The following MARCHF1 variants were observed in gnomAD, a reference collection of about 807,000 sequenced individuals.
The protein encoded by MARCHF1 is E3 ubiquitin-protein ligase MARCHF1.
MARCHF1 carries 40 observed loss-of-function variants against 54.2 expected under a neutral mutation model. That is an observed-to-expected ratio of 0.74 (90% CI 0.57 to 0.96). The LOEUF is 0.96. Among genes scored for constraint, MARCHF1 ranks in the 40% least tolerant of loss-of-function variants. The pLI is 0.00. For missense variants in MARCHF1, 586 were observed against 656.5 expected, an observed-to-expected ratio of 0.89 and a Z score of 1.17; for synonymous variants, 236 against 236.3, an observed-to-expected ratio of 1.00 and a Z score of 0.01.
At chr4:164,351,006 G>A (rs545475495) in intron 1 of MARCHF1, among the ~76,000 whole-genome samples, 37 of 152,098 alleles carry the variant, frequency 2.4e-4, no homozygotes, top group Non-Finnish European at 2.9e-4. Context: ...GGTGACGGAC[G>A]CACCTGGAAA....
chr4:163,606,703 A>C (rs1741156116), intron 7 of MARCHF1, among the ~76,000 whole-genome samples: 1 of 151,844 alleles, frequency 6.6e-6, no homozygotes, highest in South Asian at 2.1e-4. Context: ...TCTTGCTCAG[A>C]ATTCTTGTTT....
chr4:163,866,846 T>C (rs1315176098), intron 3 of MARCHF1, among the ~76,000 whole-genome samples: 1 of 151,818 alleles, frequency 6.6e-6, no homozygotes, highest in Non-Finnish European at 1.5e-5. Context: ...AGAAAAGACA[T>C]AAGGAGAAGT....
chr4:164,359,247 A>G (rs1730654708), intron 1 of MARCHF1, among the ~76,000 whole-genome samples: 1 of 152,140 alleles, frequency 6.6e-6, no homozygotes, highest in Non-Finnish European at 1.5e-5. Flanking sequence ...GTTCTGAGAG[A>G]TAGTTCTCTA....
intron 1 of MARCHF1, among the ~76,000 whole-genome samples, chr4:164,205,808 GA>G (rs1176433912): frequency 6.6e-6 from 1 of 151,920 alleles, no homozygotes; most frequent in Non-Finnish European, 1.5e-5. Flanking sequence ...AAAAAATAGT[GA>G]AAAATAATTT....
At chr4:163,660,222 CATAAAAA>C (rs1486428961) in intron 5 of MARCHF1, among the ~76,000 whole-genome samples, 1 of 151,978 alleles carries the variant, frequency 6.6e-6, no homozygotes, top group African/African-American at 2.4e-5. Context: ...ACTATGCAGC[CATAAAAA>C]ATAATGAGTT....
intron 7 of MARCHF1, among the ~76,000 whole-genome samples, chr4:163,593,293 C>T (rs1008072890): frequency 1.3e-5 from 2 of 152,092 alleles, no homozygotes; most frequent in African/African-American, 4.8e-5. Flanking sequence ...CAAAATTAAA[C>T]TAGAGATATT....
chr4:163,801,447 T>A (rs1748079018), intron 4 of MARCHF1, among the ~76,000 whole-genome samples: 1 of 152,108 alleles, frequency 6.6e-6, no homozygotes, highest in Admixed American at 6.5e-5. Context: ...TGATTTTGGT[T>A]CTATTTAGAA....
chr4:164,259,651 T>A (rs545676168), intron 1 of MARCHF1, among the ~76,000 whole-genome samples: 1 of 151,952 alleles, frequency 6.6e-6, no homozygotes, highest in East Asian at 1.9e-4. Flanking sequence ...TTCAGCAGTT[T>A]ATACTATTAA....
At chr4:164,176,582 C>T (rs1227299831) in intron 1 of MARCHF1, among the ~76,000 whole-genome samples, 3 of 152,098 alleles carry the variant, frequency 2.0e-5, no homozygotes, top group African/African-American at 7.2e-5. Flanking sequence ...ATTATGAAAT[C>T]AGAGAACCAA....
chr4:163,768,873 TTCTC>T (rs773969871), intron 4 of MARCHF1, among the ~76,000 whole-genome samples: 10 of 152,148 alleles, frequency 6.6e-5, no homozygotes, highest in East Asian at 1.9e-4. Context: ...TTCCTATACT[TTCTC>T]TTTCTTTAAG....
At chr4:163,680,041 C>T (rs1265170956) in intron 5 of MARCHF1, among the ~76,000 whole-genome samples, 2 of 149,062 alleles carry the variant, frequency 1.3e-5, no homozygotes, top group African/African-American at 2.5e-5. Context: ...AAACTCAAGG[C>T]TTTTCACATT....
chr4:163,618,249 T>G (rs909880673), intron 5 of MARCHF1, among the ~76,000 whole-genome samples: 4 of 152,196 alleles, frequency 2.6e-5, no homozygotes, highest in African/African-American at 4.8e-5. Context: ...CTGCTTCCCA[T>G]GTCAGTGCCT....
chr4:163,787,843 G>A (rs1169513319), intron 4 of MARCHF1, among the ~76,000 whole-genome samples: 4 of 151,926 alleles, frequency 2.6e-5, no homozygotes, highest in Non-Finnish European at 5.9e-5. Context: ...ACAGACAGAT[G>A]AATGGATAAC....
intron 2 of MARCHF1, among the ~76,000 whole-genome samples, chr4:164,097,831 C>T (rs777687425): frequency 1.3e-5 from 2 of 152,152 alleles, no homozygotes; most frequent in Non-Finnish European, 2.9e-5. Context: ...GAAGCAACAT[C>T]CATATTCCCT....
chr4:164,162,079 A>G (rs74490887), intron 1 of MARCHF1, among the ~76,000 whole-genome samples: 2,085 of 152,310 alleles, frequency 0.014, 54 homozygotes, highest in African/African-American at 0.048. Context: ...GATCAGACAC[A>G]TGAAGACTTC....
At chr4:164,001,284 G>C (rs1447223365) in intron 2 of MARCHF1, among the ~76,000 whole-genome samples, 1 of 151,716 alleles carries the variant, frequency 6.6e-6, no homozygotes, top group Non-Finnish European at 1.5e-5. Flanking sequence ...GGTTAGATTA[G>C]ATAAGTGTAA....
intron 1 of MARCHF1, among the ~76,000 whole-genome samples, chr4:164,176,995 TATATATATATATATAC>T (rs770877899): frequency 0.067 from 6,788 of 101,542 alleles, 587 homozygotes; most frequent in African/African-American, 0.17. Context: ...TATATATATA[TATATATATATATATAC>T]AAATGATAGA....
intron 1 of MARCHF1, chr4:164,383,224 G>C (rs1208338467): frequency 6.6e-6 from 1 of 152,274 alleles, no homozygotes; most frequent in African/African-American, 2.4e-5. Context: ...TTAAGTCCCA[G>C]CTCTCAGTCC....
At chr4:163,551,772 C>T (rs546654969) in intron 8 of MARCHF1, among the ~76,000 whole-genome samples, 1 of 152,266 alleles carries the variant, frequency 6.6e-6, no homozygotes, top group Non-Finnish European at 1.5e-5. Flanking sequence ...GAATAAGTCT[C>T]ACGAGATCTG....
Sources: allele counts gnomAD v4.1 joint callset (sites outside exome capture counted in the v4.1 genomes callset), GRCh38; gene constraint gnomAD v4.1.1; transcripts MANE v1.5; gene names NCBI Gene and HGNC (gene_info 2026-07-23, HGNC 2026-07-21).